Variants in TP63 observed in about 807,000 individuals in gnomAD.
TP63 encodes the protein tumor protein p63, also known as tumor protein 63.
A neutral mutation model predicts 82.8 loss-of-function variants in TP63; 17 were observed. That is an observed-to-expected ratio of 0.21 (90% CI 0.14 to 0.31). The LOEUF is 0.31. Among genes scored for constraint, TP63 ranks in the 10% least tolerant of loss-of-function variants. TP63 has a pLI of 1.00. For missense variants in TP63, 648 were observed against 895.3 expected (o/e 0.72, Z 3.52); for synonymous variants, 330 against 321.7 (o/e 1.03, Z -0.28).
intron 1 of TP63, among the ~76,000 whole-genome samples, chr3:189,664,342 T>C (rs1375459031): frequency 6.6e-6 from 1 of 152,196 alleles, no homozygotes; most frequent in East Asian, 1.9e-4. Flanking sequence ...AGTACTATGC[T>C]CAAAATTACA....
chr3:189,896,242 G>A lies in TP63; in HGVS notation c.*1740G>A, dbSNP rs1721460657. On this transcript the variant is annotated 3_prime_UTR_variant, in exon 14 of 14. Transcript: ENST00000264731. ...GTAATGTGTGGATTGCCTCTGAAAA[G>A]TGTGTATATATTTTGTGTGAAATTG... 1 of 220,400 alleles carries A rather than the reference G, an allele frequency of 4.5e-6. No individual in the cohort carries two copies. The highest frequency in any genetic ancestry group is 9.1e-6 in the Non-Finnish European group (1 of 109,836). The allele number at this position is 220,400 out of a possible 1,614,324, so 13.7% of individuals were successfully genotyped here.
rs1430120068 is a variant in TP63, at chr3:189,795,275, A to G, written c.325-12997A>G. Among the ~76,000 whole-genome samples, 4 of 152,104 alleles carry G rather than the reference A, an allele frequency of 2.6e-5. 1 individual carries two copies. Among genetic ancestry groups the G allele is most frequent in the Admixed American group, 2.6e-4 (4 of 15,244 alleles). ...AACACTTCCTTCCAACCCAACAGTT[A>G]CTGAAAACTTATAATAGTCACTGTT... On this transcript the variant is annotated intron_variant, in intron 3 of 13. Transcript: ENST00000264731.
chr3:189,691,785 C>T (rs1716953775), intron 1 of TP63, among the ~76,000 whole-genome samples: 1 of 152,038 alleles, frequency 6.6e-6, no homozygotes, highest in Admixed American at 6.6e-5. Context: ...TTTTGTTTTT[C>T]TGTTGTTGTC....
At chr3:189,862,681 G>A (rs960693091) in intron 4 of TP63, among the ~76,000 whole-genome samples, 1 of 152,130 alleles carries the variant, frequency 6.6e-6, no homozygotes, top group Admixed American at 6.5e-5. Context: ...TTTTCTTCAA[G>A]TTCTCAATAA....
chr3:189,673,139 T>G (rs1036920272), intron 1 of TP63, among the ~76,000 whole-genome samples: 24 of 152,134 alleles, frequency 1.6e-4, no homozygotes, highest in African/African-American at 5.8e-4. Flanking sequence ...GCACCCAGCC[T>G]ATCAGAATTT....
intron 1 of TP63, among the ~76,000 whole-genome samples, chr3:189,663,570 C>T (rs1714121606): frequency 7.3e-6 from 1 of 136,546 alleles, no homozygotes; most frequent in East Asian, 2.3e-4. Context: ...CTCTGTCACC[C>T]AGGCTGGAGT....
At chr3:189,635,200 A>G (rs967164592) in intron 1 of TP63, among the ~76,000 whole-genome samples, 1 of 152,106 alleles carries the variant, frequency 6.6e-6, no homozygotes, top group Non-Finnish European at 1.5e-5. Context: ...CTATATGGAT[A>G]ATATGAAGTG....
intron 10 of TP63, among the ~76,000 whole-genome samples, chr3:189,884,322 C>A (rs1720218909): frequency 1.3e-5 from 2 of 152,188 alleles, no homozygotes; most frequent in African/African-American, 4.8e-5. Context: ...GCTGGAGTTA[C>A]CTCCTTTACC....
chr3:189,609,318 T>G, the TP63 span, among the ~76,000 whole-genome samples: 1 of 152,274 alleles, frequency 6.6e-6, no homozygotes, highest in South Asian at 2.1e-4. Flanking sequence ...TTGATACAAT[T>G]AATAGTGCAT....
intron 10 of TP63, chr3:189,873,388 T>G (rs1311390389): frequency 3.3e-6 from 1 of 305,502 alleles, no homozygotes; most frequent in Non-Finnish European, 6.3e-6. Flanking sequence ...TCTCCTGGGA[T>G]GCACACTATC....
At chr3:189,719,095 A>G (rs1041391913) in intron 1 of TP63, among the ~76,000 whole-genome samples, 10 of 152,036 alleles carry the variant, frequency 6.6e-5, no homozygotes, top group Admixed American at 5.2e-4. Flanking sequence ...AGCAGCAAGA[A>G]CAAAACTCAC....
intron 4 of TP63, among the ~76,000 whole-genome samples, chr3:189,860,773 A>G (rs1440194535): frequency 6.6e-6 from 1 of 152,220 alleles, no homozygotes; most frequent in East Asian, 1.9e-4. Flanking sequence ...CGTGGAGAGC[A>G]GAGGAAAAAG....
At chr3:189,713,435 G>C (rs1718740293) in intron 1 of TP63, among the ~76,000 whole-genome samples, 1 of 152,130 alleles carries the variant, frequency 6.6e-6, no homozygotes, top group Non-Finnish European at 1.5e-5. Context: ...ATTTTCCTGA[G>C]CTGAGTTCTT....
the TP63 span, among the ~76,000 whole-genome samples, chr3:189,597,868 G>T: frequency 4.6e-5 from 7 of 151,648 alleles, no homozygotes; most frequent in East Asian, 1.4e-3. Context: ...GTCAAGGGCT[G>T]CAGTGAGCCA....
intron 1 of TP63, among the ~76,000 whole-genome samples, chr3:189,649,894 T>G (rs878942769): frequency 6.8e-6 from 1 of 146,362 alleles, no homozygotes; most frequent in Admixed American, 6.7e-5. Flanking sequence ...GTAAAAGTAA[T>G]GATTAACTTT....
chr3:189,831,483 C>T (rs1162070701), intron 4 of TP63, among the ~76,000 whole-genome samples: 1 of 151,920 alleles, frequency 6.6e-6, no homozygotes, highest in East Asian at 1.9e-4. Flanking sequence ...CACAACCACA[C>T]TCCAAGTTCA....
chr3:189,687,590 C>G lies in TP63; in HGVS notation c.63-50150C>G, dbSNP rs75574980. On this transcript the variant is annotated intron_variant, in intron 1 of 13. Coordinates refer to ENST00000264731, the MANE Select transcript of TP63 (RefSeq NM_003722.5). ...AAATGAAGTGGGCTGCTACAAAAAA[C>G]AGTGAGACTCCGAATTATCTAGGTT... Among the ~76,000 whole-genome samples the G allele has an allele frequency of 6.9e-4, 105 of 152,288 alleles. 1 individual carries two copies. In the East Asian group the frequency reaches 0.019, roughly 28 times the overall value.
At chr3:189,694,669 G>C (rs1349539701) in intron 1 of TP63, among the ~76,000 whole-genome samples, 2 of 151,178 alleles carry the variant, frequency 1.3e-5, no homozygotes, top group Non-Finnish European at 2.9e-5. Context: ...AATTTTCACT[G>C]TTGATGGTAA....
At chr3:189,618,755 C>T in the TP63 span, among the ~76,000 whole-genome samples, 131 of 152,230 alleles carry the variant, frequency 8.6e-4, 1 homozygote, top group African/African-American at 3.0e-3. Context: ...CACTTGGCTC[C>T]CTCATCTAAC....
Sources: gnomAD v4.1 joint callset for allele counts (sites outside exome capture counted in the v4.1 genomes callset) on GRCh38, gnomAD v4.1.1 for gene constraint, MANE v1.5 for transcripts, NCBI Gene and HGNC (gene_info 2026-07-23, HGNC 2026-07-21) for gene names.